Variants in VPS13B observed in about 807,000 individuals in gnomAD.
VPS13B encodes the protein vacuolar protein sorting 13 homolog B.
In VPS13B, 285 loss-of-function variants were observed where a neutral mutation model predicts 426.4. That is an observed-to-expected ratio of 0.67 (90% CI 0.61 to 0.74). VPS13B has a LOEUF of 0.74. Ranked by LOEUF, VPS13B falls within the 30% of genes least tolerant of loss-of-function variation. The pLI is 0.00. For synonymous variants in VPS13B, 1,676 were observed against 1,676.4 expected, an observed-to-expected ratio of 1.00 and a Z score of 0.01; for missense variants, 4,537 against 4,782.6, an observed-to-expected ratio of 0.95 and a Z score of 1.51.
intron 43 of VPS13B, 149 bp downstream of exon 43, chr8:99,784,625 T>C: frequency 9.3e-7 from 1 of 1,077,854 alleles, no homozygotes; most frequent in Non-Finnish European, 1.4e-6. Flanking sequence ...CAAGAGTGTT[T>C]AGAGATGGGA....
At chr8:99,565,543 A>G (rs956974041) in intron 31 of VPS13B, among the ~76,000 whole-genome samples, 2 of 152,082 alleles carry the variant, frequency 1.3e-5, no homozygotes, top group African/African-American at 4.8e-5. Context: ...TTCCTAAACC[A>G]TATATTTCTA....
intron 30 of VPS13B, among the ~76,000 whole-genome samples, chr8:99,545,300 G>A (rs182682553): frequency 3.3e-5 from 5 of 152,036 alleles, no homozygotes; most frequent in East Asian, 1.9e-4. Flanking sequence ...CTCCTTGTAC[G>A]CACATGTAAT....
At chr8:99,643,296 A>G (rs1829446214) in intron 34 of VPS13B, among the ~76,000 whole-genome samples, 1 of 152,208 alleles carries the variant, frequency 6.6e-6, no homozygotes, top group Non-Finnish European at 1.5e-5. Flanking sequence ...TAGCAAGCTC[A>G]GGAATAGTTC....
At chr8:99,271,747 G>C (rs901239451) in intron 17 of VPS13B, among the ~76,000 whole-genome samples, 5 of 152,130 alleles carry the variant, frequency 3.3e-5, no homozygotes, top group African/African-American at 1.2e-4. Flanking sequence ...AATTGCCAAC[G>C]AATGAGGAAG....
chr8:99,486,670 C>G (rs1158731041), intron 25 of VPS13B, among the ~76,000 whole-genome samples: 2 of 152,190 alleles, frequency 1.3e-5, no homozygotes, highest in Non-Finnish European at 2.9e-5. Flanking sequence ...ATGCAAAGAA[C>G]TCCCCAGTTC....
chr8:99,593,077 CT>C (rs761370296), intron 33 of VPS13B, among the ~76,000 whole-genome samples: 10 of 152,022 alleles, frequency 6.6e-5, no homozygotes, highest in Non-Finnish European at 1.3e-4. Context: ...TCTAATTAAA[CT>C]AAGGAACTTC....
rs377044161 is a variant in VPS13B at position 99,871,932 on chromosome 8, G to A, written c.11745+235G>A. ...CCCTGTATAGGAGAACCCAGCAGGC[G>A]GCCAGCAGGACTCAAGGTCTAAAGC... On this transcript the variant is annotated intron_variant, in intron 61 of 61. Transcript: ENST00000357162. Among the ~76,000 whole-genome samples, 19 of 152,330 alleles carry A rather than the reference G, an allele frequency of 1.2e-4. No homozygotes were observed. In the East Asian group the frequency reaches 3.1e-3, roughly 25 times the overall value.
At chr8:99,456,049 G>A (rs1383483288) in intron 23 of VPS13B, among the ~76,000 whole-genome samples, 1 of 152,184 alleles carries the variant, frequency 6.6e-6, no homozygotes, top group Admixed American at 6.6e-5. Flanking sequence ...TTTCTAAGTG[G>A]TTATACCGTT....
chr8:99,556,730 T>C, intron 31 of VPS13B, 77 bp downstream of exon 31: 1 of 1,481,352 alleles, frequency 6.8e-7, no homozygotes. Context: ...ATCTTTAGCA[T>C]GTCCAACCAA....
At chr8:99,408,131 A>G (rs1181410175) in intron 21 of VPS13B, among the ~76,000 whole-genome samples, 1 of 152,208 alleles carries the variant, frequency 6.6e-6, no homozygotes, top group African/African-American at 2.4e-5. Context: ...AAATCATTGT[A>G]ACGACTTTGA....
At chr8:99,022,498 T>G (rs986729557) in intron 2 of VPS13B, among the ~76,000 whole-genome samples, 2 of 152,194 alleles carry the variant, frequency 1.3e-5, no homozygotes, top group Non-Finnish European at 2.9e-5. Context: ...TCTGTATGAT[T>G]TTAATTTATT....
chr8:99,653,428 T>G (rs963408892), intron 34 of VPS13B, among the ~76,000 whole-genome samples: 1 of 152,068 alleles, frequency 6.6e-6, no homozygotes, highest in African/African-American at 2.4e-5. Flanking sequence ...AGGTTTACAG[T>G]TGGGATTAAG....
intron 24 of VPS13B, among the ~76,000 whole-genome samples, chr8:99,469,850 C>G (rs1409087436): frequency 3.3e-5 from 5 of 151,966 alleles, no homozygotes; most frequent in Non-Finnish European, 7.4e-5. Context: ...TAGACACATA[C>G]AAAGGGAAGA....
chr8:99,516,804 A>G (rs1787089277), intron 29 of VPS13B, among the ~76,000 whole-genome samples: 1 of 147,738 alleles, frequency 6.8e-6, no homozygotes, highest in Non-Finnish European at 1.5e-5. Flanking sequence ...AAAAAAAAAA[A>G]AAAAAAAAAA....
chr8:99,428,184 C>G (rs1816841309), intron 21 of VPS13B, among the ~76,000 whole-genome samples: 1 of 152,126 alleles, frequency 6.6e-6, no homozygotes, highest in South Asian at 2.1e-4. Context: ...TATAAAAACC[C>G]TAGAAGAAAT....
At chr8:99,474,018 C>T (rs1320819728) in intron 24 of VPS13B, among the ~76,000 whole-genome samples, 1 of 152,032 alleles carries the variant, frequency 6.6e-6, no homozygotes, top group Non-Finnish European at 1.5e-5. Context: ...AGATATATCT[C>T]CTCATAGTTT....
rs149720395 is a variant in VPS13B at position 99,244,887 on chromosome 8, A to G, written c.2516-29311A>G. Among the ~76,000 whole-genome samples the G allele has an allele frequency of 1.8e-4, 28 of 152,340 alleles. No individual in the cohort carries two copies. The East Asian group carries it at 5.2e-3, about 28-fold the overall frequency. On this transcript the variant is annotated intron_variant, in intron 17 of 61. Coordinates refer to ENST00000357162, the MANE Select transcript of VPS13B (RefSeq NM_152564.5). ...AGACACACACAAAGTTTAGATATTT[A>G]AAATATGTGTACATGTGTGGTGCAT...
chr8:99,677,406 T>C (rs1056609061), intron 35 of VPS13B, among the ~76,000 whole-genome samples: 1 of 152,194 alleles, frequency 6.6e-6, no homozygotes, highest in African/African-American at 2.4e-5. Context: ...GTGTCAGTGC[T>C]ATATTATCAT....
chr8:99,481,555 A>C (rs773121810), intron 24 of VPS13B, 44 bp from the exon 25 acceptor site: 11 of 1,584,760 alleles, frequency 6.9e-6, no homozygotes, highest in Non-Finnish European at 9.5e-6. Flanking sequence ...TTGAAACTGG[A>C]AGTTGAAAGA....
Sources: gnomAD v4.1 joint callset for allele counts (sites outside exome capture counted in the v4.1 genomes callset) on GRCh38, gnomAD v4.1.1 for gene constraint, MANE v1.5 for transcripts, NCBI Gene and HGNC (gene_info 2026-07-23, HGNC 2026-07-21) for gene names.